The following C7 variants were observed in gnomAD, a reference collection of about 807,000 sequenced individuals.
C7 encodes the protein complement component C7.
A neutral mutation model predicts 104.8 loss-of-function variants in C7; 83 were observed. The ratio of observed to expected loss-of-function variants is 0.79; its 90% CI spans 0.66 to 0.95. The LOEUF (loss-of-function observed/expected upper bound fraction) is 0.95, where lower values mean the gene tolerates loss of function less well. Among genes scored for constraint, C7 ranks in the 40% least tolerant of loss-of-function variants. C7 has a pLI of 0.00. For missense variants in C7, 1,070 were observed against 1,011.2 expected (o/e 1.06, Z -0.79); for synonymous variants, 415 against 360.6 (o/e 1.15, Z -1.71).
intron 2 of C7, among the ~76,000 whole-genome samples, 156 bp downstream of exon 2, chr5:40,928,791 A>T (rs1700921796): frequency 6.6e-6 from 1 of 152,162 alleles, no homozygotes; most frequent in South Asian, 2.1e-4. Flanking sequence ...TAACAAAAGC[A>T]TGTGTTTTTA....
chr5:40,927,850 G>A (rs754281909), intron 1 of C7, among the ~76,000 whole-genome samples: 11 of 152,094 alleles, frequency 7.2e-5, no homozygotes, highest in Admixed American at 1.3e-4. Context: ...CACTTGGTAG[G>A]AATGTAAATT....
Position 40,928,584 on chromosome 5 carries a change from TA to T in C7, c.13del (p.Ser5AlafsTer9). On this transcript the variant is annotated frameshift_variant, in exon 2 of 18. Coordinates refer to ENST00000313164, the MANE Select transcript of C7 (RefSeq NM_000587.4). LOFTEE classifies it high-confidence loss of function. ...TTTATTGTTTTTCTTCTCCAGGTGA[TA>T]AGCTTATTCATTTTGGTGGGATTTA... MKV[I>X]SLFILVGFIG... 1 of 1,526,594 alleles carries T rather than the reference TA, an allele frequency of 6.6e-7. No homozygotes were observed. 94.6% of individuals were successfully genotyped at this position (1,526,594 alleles called of 1,614,324 possible).
In C7 at chr5:40,979,808, G is replaced by C. The variant is rs200006920; in HGVS notation, c.2249G>C (p.Cys750Ser). ...GTTTGCAAGATGCATGTTCTCCACT[G>C]TCAGGGTAGAAATTACACCCTTACT... Reference protein sequence around the residue: ...LTVCKMHVLHCQGRNYTLTGR... With the variant: ...LTVCKMHVLHSQGRNYTLTGR... The change falls in exon 17 of 18, where the codon TGT becomes TCT. Residue 750 changes from cysteine to serine, a missense_variant. Transcript: ENST00000313164. 1.9e-6 allele frequency: 3 copies of C among 1,613,700 alleles called. No individual in the cohort carries two copies. Among genetic ancestry groups the C allele is most frequent in the East Asian group, 2.2e-5 (1 of 44,874 alleles).
chr5:40,937,527 C>T (rs747939007), intron 5 of C7, 25 bp from the exon 6 acceptor site: 9 of 1,557,258 alleles, frequency 5.8e-6, no homozygotes, highest in Non-Finnish European at 6.9e-6. Context: ...TTATTTCCTC[C>T]TTCTCCTCCT....
At chr5:40,918,925 G>A (rs184646062) in intron 1 of C7, among the ~76,000 whole-genome samples, 3 of 146,366 alleles carry the variant, frequency 2.0e-5, no homozygotes, top group Admixed American at 1.4e-4. Context: ...TTTGAAAATC[G>A]CTTTAGACCT....
chr5:40,931,269 G>C, intron 3 of C7, 130 bp downstream of exon 3: 1 of 672,640 alleles, frequency 1.5e-6, no homozygotes, highest in South Asian at 1.7e-5. Flanking sequence ...TTGTAATTTT[G>C]AGGGGAGAAA....
In C7 at chr5:40,981,912, T is replaced by C. The variant is rs566636056; in HGVS notation, c.*339T>C. 4.5e-4 allele frequency: 81 copies of C among 180,332 alleles called. 1 individual carries two copies. The highest frequency in any genetic ancestry group is 1.8e-3 in the African/African-American group (77 of 42,544). 11.2% of individuals were successfully genotyped at this position (180,332 alleles called of 1,614,324 possible). A position where few individuals can be genotyped will look rare whatever the true frequency, so the allele number is the denominator to read the frequency against. ...GAAACTTGAATGCTCCATTCAGGCC[T>C]ATCATTTTATTAAGTATGATTGACA... On this transcript the variant is annotated 3_prime_UTR_variant, in exon 18 of 18. Transcript: ENST00000313164.
At chr5:40,941,750 A>G (rs1022043110) in intron 6 of C7, among the ~76,000 whole-genome samples, 1 of 152,166 alleles carries the variant, frequency 6.6e-6, no homozygotes, top group African/African-American at 2.4e-5. Flanking sequence ...TGAAAATACA[A>G]CCCTCTGAGA....
At chr5:40,979,986 GT>G (rs1740908535) in intron 17 of C7, 77 bp downstream of exon 17, 1 of 1,271,902 alleles carries the variant, frequency 7.9e-7, no homozygotes, top group African/African-American at 1.5e-5. Context: ...GTGGTTTCTA[GT>G]TTAGCAGTGG....
chr5:40,933,094 A>G lies in C7; in HGVS notation c.139-1231A>G, dbSNP rs531256865. Among the ~76,000 whole-genome samples the G allele has an allele frequency of 3.9e-5, 6 of 152,292 alleles. No individual in the cohort carries two copies. The South Asian group carries it at 1.2e-3, about 32-fold the overall frequency. ...CAAAGGGACTAAAAATGGTATCAAGAAACCTTACCGAGTTCCATTCCCCAC... is the reference window on the plus strand; with the variant it reads ...CAAAGGGACTAAAAATGGTATCAAGGAACCTTACCGAGTTCCATTCCCCAC... On this transcript the variant is annotated intron_variant, in intron 3 of 17. Transcript: ENST00000313164.
Position 40,938,157 on chromosome 5 carries a change from G to A in C7, c.567+467G>A, listed in dbSNP as rs533840171. 3.9e-5 allele frequency among the ~76,000 whole-genome samples: 6 copies of A among 152,224 alleles called. No individual in the cohort carries two copies. In the South Asian group the frequency reaches 8.3e-4, roughly 21 times the overall value. ...CTTATATGCCCACCATCTGCCTTAA[G>A]AAATAGAATATTGCCAGTGACTTAA... On this transcript the variant is annotated intron_variant, in intron 6 of 17. Coordinates refer to ENST00000313164, the MANE Select transcript of C7 (RefSeq NM_000587.4).
rs1398662048 is a variant in C7 at position 40,983,932 on chromosome 5, T to A, written c.*2359T>A. Among the ~76,000 whole-genome samples the A allele has an allele frequency of 6.6e-6, 1 of 152,076 alleles. No homozygotes were observed. Among genetic ancestry groups the A allele is most frequent in the Non-Finnish European group, 1.5e-5 (1 of 68,018 alleles). On this transcript the variant is annotated 3_prime_UTR_variant, in exon 18 of 18. Transcript: ENST00000313164. The stretch of plus-strand genomic sequence containing the variant: ...GAAAGCATTGCTGAGATTAGAGTCA[T>A]TTGGCCCTCAGAAGGAACAGACAAA...
intron 14 of C7, among the ~76,000 whole-genome samples, chr5:40,966,156 C>T (rs6884014): frequency 0.49 from 74,373 of 151,398 alleles, 18,348 homozygotes; most frequent in East Asian, 0.68. Flanking sequence ...AGATGGTGTT[C>T]GGTTACATGA....
At chr5:40,974,958 C>A (rs1324300081) in intron 15 of C7, among the ~76,000 whole-genome samples, 1 of 152,128 alleles carries the variant, frequency 6.6e-6, no homozygotes, top group Non-Finnish European at 1.5e-5. Context: ...CTGGTCTCTA[C>A]CCAACAGTAG....
Position 40,958,131 on chromosome 5 carries a change from C to A in C7, c.1359C>A (p.Asp453Glu), listed in dbSNP as rs1416569017. ...WALEEYLDEF[D>E]PCHCRPCQNG... Reference sequence around the variant, plus strand: ...TTGAAGAGTATCTGGATGAATTTGACCCCTGTCATTGCCGGCCTTGTCAAA... The same window carrying A: ...TTGAAGAGTATCTGGATGAATTTGAACCCTGTCATTGCCGGCCTTGTCAAA... Residue 453 changes from aspartate (D) to glutamate (E), a missense_variant, in exon 11 of 18, where the codon GAC (aspartate) becomes GAA (glutamate). Asp to Glu is a conservative substitution (Grantham distance 45). Coordinates refer to ENST00000313164, the MANE Select transcript of C7 (RefSeq NM_000587.4). 39 of 1,613,646 alleles carry A rather than the reference C, an allele frequency of 2.4e-5. No homozygotes were observed. Among genetic ancestry groups the A allele is most frequent in the Non-Finnish European group, 3.2e-5 (38 of 1,179,770 alleles).
intron 6 of C7, among the ~76,000 whole-genome samples, chr5:40,944,303 G>A (rs1740001963): frequency 6.6e-6 from 1 of 152,192 alleles, no homozygotes; most frequent in South Asian, 2.1e-4. Flanking sequence ...TAGCAAATTA[G>A]TTGTCTATAA....
At chr5:40,956,654 C>T (rs535076072) in intron 10 of C7, among the ~76,000 whole-genome samples, 13 of 152,228 alleles carry the variant, frequency 8.5e-5, no homozygotes, top group Non-Finnish European at 1.5e-4. Flanking sequence ...GATTTATTCC[C>T]TGCATGAAAG....
chr5:40,967,876 A>G (rs536557730), intron 14 of C7: 2 of 152,260 alleles, frequency 1.3e-5, no homozygotes, highest in Non-Finnish European at 2.9e-5. Flanking sequence ...TTCTCCAGCA[A>G]CTTTACTCTG....
At chr5:40,962,044 G>A in intron 12 of C7, 41 bp from the exon 13 acceptor site, 1 of 1,116,974 alleles carries the variant, frequency 9.0e-7, no homozygotes, top group Non-Finnish European at 1.3e-6. Flanking sequence ...TTATTATACT[G>A]TGCAAATCAA....
Sources: allele counts gnomAD v4.1 joint callset (sites outside exome capture counted in the v4.1 genomes callset), GRCh38; gene constraint gnomAD v4.1.1; transcripts MANE v1.5; gene names NCBI Gene and HGNC (gene_info 2026-07-23, HGNC 2026-07-21).